The following ZFHX4 variants were observed in gnomAD, a reference collection of about 807,000 sequenced individuals.
ZFHX4 encodes zinc finger homeobox 4, also known as zinc finger homeobox protein 4.
In ZFHX4, 56 loss-of-function variants were observed where a neutral mutation model predicts 267.6. The observed-to-expected ratio is 0.21, with a 90% CI of 0.17 to 0.26. The LOEUF is 0.26. Among genes scored for constraint, ZFHX4 ranks in the 10% least tolerant of loss-of-function variants. The pLI, the probability that ZFHX4 is intolerant of heterozygous loss-of-function variation, is 1.00. For missense variants in ZFHX4, 4,332 were observed against 4,420.0 expected (o/e 0.98, Z 0.56); for synonymous variants, 1,778 against 1,665.6 (o/e 1.07, Z -1.64).
intron 3 of ZFHX4, among the ~76,000 whole-genome samples, chr8:76,725,361 A>C (rs1379246446): frequency 6.6e-6 from 1 of 152,140 alleles, no homozygotes; most frequent in Non-Finnish European, 1.5e-5. Context: ...ATCAACTTGA[A>C]ATAGTCTAGC....
At chr8:76,694,851 T>C (rs1250851884) in intron 1 of ZFHX4, among the ~76,000 whole-genome samples, 4 of 151,362 alleles carry the variant, frequency 2.6e-5, no homozygotes, top group African/African-American at 9.7e-5. Context: ...AGAAGAGCCA[T>C]ATTAGGAGAT....
intron 6 of ZFHX4, among the ~76,000 whole-genome samples, chr8:76,847,873 A>C (rs1812405817): frequency 2.0e-5 from 3 of 152,116 alleles, no homozygotes. Flanking sequence ...ATCAAGATAA[A>C]TCTTCATGCA....
At chr8:76,832,743 G>A (rs1050328136) in intron 4 of ZFHX4, among the ~76,000 whole-genome samples, 4 of 152,252 alleles carry the variant, frequency 2.6e-5, no homozygotes, top group East Asian at 1.9e-4. Flanking sequence ...CACGCAGTTA[G>A]TTGACAATAA....
intron 3 of ZFHX4, among the ~76,000 whole-genome samples, chr8:76,765,346 A>G: frequency 6.6e-6 from 1 of 152,200 alleles, no homozygotes; most frequent in African/African-American, 2.4e-5. Flanking sequence ...GAAAAGTATG[A>G]AGACTATTGA....
intron 3 of ZFHX4, among the ~76,000 whole-genome samples, chr8:76,710,670 A>G (rs1000895027): frequency 2.6e-5 from 4 of 152,226 alleles, no homozygotes; most frequent in African/African-American, 9.6e-5. Context: ...TAAGACAAAT[A>G]CAGAGCTGCG....
At position 76,681,395 on chromosome 8, in the gene ZFHX4, G is replaced by A; in HGVS notation, c.-272G>A. Reference sequence around the variant, plus strand: ...ACAACCAAACAGCGAGACCGCGGTCGGCACATGCTTTAACTCCTCCCGGAC... The same window carrying A: ...ACAACCAAACAGCGAGACCGCGGTCAGCACATGCTTTAACTCCTCCCGGAC... On this transcript the variant is annotated 5_prime_UTR_variant, in exon 1 of 11. Coordinates refer to ENST00000651372, the MANE Select transcript of ZFHX4 (RefSeq NM_024721.5). 2.5e-6 allele frequency: 1 copy of A among 398,574 alleles called. No homozygotes were observed. Among genetic ancestry groups the A allele is most frequent in the Non-Finnish European group, 4.4e-6 (1 of 226,002 alleles). The allele number at this position is 398,574 out of a possible 1,614,324, so 24.7% of individuals were successfully genotyped here. A position where few individuals can be genotyped will look rare whatever the true frequency, so the allele number is the denominator to read the frequency against.
In ZFHX4 at chr8:76,685,198, T is replaced by C. The variant is rs939787735; in HGVS notation, c.-47+3578T>C. 3.9e-5 allele frequency among the ~76,000 whole-genome samples: 6 copies of C among 152,354 alleles called. No individual in the cohort carries two copies. The East Asian group carries it at 7.7e-4, about 20-fold the overall frequency. Reference sequence around the variant, plus strand: ...GATTCAGACATGTTCAGCAGTTAGATTGGCTCTGACTTCACCAAGGGTCGA... The same window carrying C: ...GATTCAGACATGTTCAGCAGTTAGACTGGCTCTGACTTCACCAAGGGTCGA... On this transcript the variant is annotated intron_variant, in intron 1 of 10. Transcript: ENST00000651372.
chr8:76,766,287 T>C (rs1810049426), intron 3 of ZFHX4, among the ~76,000 whole-genome samples: 1 of 152,112 alleles, frequency 6.6e-6, no homozygotes, highest in South Asian at 2.1e-4. Context: ...CTCTAGCAAA[T>C]AGGGTTTTCT....
chr8:76,863,204 C>T lies in ZFHX4; in HGVS notation c.9490C>T (p.Pro3164Ser). 1 of 1,569,762 alleles carries T rather than the reference C, an allele frequency of 6.4e-7. No homozygotes were observed. The highest frequency in any genetic ancestry group is 8.6e-7 in the Non-Finnish European group (1 of 1,157,060). ...PTKPLLQTPP[P>S]PPPPPPPPPS... ...CAAACCTTTGCTGCAGACTCCACCA[C>T]CTCCACCACCTCCTCCTCCTCCTCC... The change falls in exon 11 of 11, where the codon CCT (proline) becomes TCT (serine). Residue 3164 changes from proline (P) to serine (S), a missense_variant. Transcript: ENST00000651372.
chr8:76,834,605 C>T (rs540769340), intron 5 of ZFHX4, among the ~76,000 whole-genome samples: 1 of 152,072 alleles, frequency 6.6e-6, no homozygotes, highest in East Asian at 1.9e-4. Context: ...TGTTTATTTG[C>T]TTGTAAGAGT....
chr8:76,827,258 A>G (rs1328730480), intron 4 of ZFHX4, among the ~76,000 whole-genome samples: 2 of 152,220 alleles, frequency 1.3e-5, no homozygotes, highest in Non-Finnish European at 2.9e-5. Flanking sequence ...TGTGCAGTTC[A>G]TAATAGGGTT....
intron 3 of ZFHX4, among the ~76,000 whole-genome samples, chr8:76,757,682 A>T (rs1230803449): frequency 6.6e-6 from 1 of 152,226 alleles, no homozygotes; most frequent in Non-Finnish European, 1.5e-5. Flanking sequence ...CCTGTAAATA[A>T]CTGAGAAGAG....
chr8:76,749,340 G>A (rs1809554793), intron 3 of ZFHX4, among the ~76,000 whole-genome samples: 1 of 152,040 alleles, frequency 6.6e-6, no homozygotes, highest in South Asian at 2.1e-4. Context: ...TCGACTCTTT[G>A]TCAATTTCTA....
Position 76,854,286 on chromosome 8 carries a change from A to G in ZFHX4, c.7365A>G (p.Gln2455=). The part of the protein sequence containing the change: ...QPQPQPQPPK[Q]PQLIGRPPSA... ...AGCCACAGCCACAGCCACCAAAACA[A>G]CCCCAACTTATCGGAAGACCTCCCT... The change falls in exon 10 of 11, where the codon CAA becomes CAG. Residue 2455 remains glutamine, a synonymous_variant. Coordinates refer to ENST00000651372, the MANE Select transcript of ZFHX4 (RefSeq NM_024721.5). The G allele has an allele frequency of 6.3e-7, 1 of 1,599,568 alleles. No individual in the cohort carries two copies. The highest frequency in any genetic ancestry group is 8.5e-7 in the Non-Finnish European group (1 of 1,172,882).
At chr8:76,832,356 T>C (rs1811958578) in intron 4 of ZFHX4, among the ~76,000 whole-genome samples, 1 of 152,208 alleles carries the variant, frequency 6.6e-6, no homozygotes, top group South Asian at 2.1e-4. Context: ...TACATAATTC[T>C]ATCTTCATTT....
intron 3 of ZFHX4, among the ~76,000 whole-genome samples, chr8:76,762,851 G>A (rs1048310817): frequency 2.6e-5 from 4 of 152,154 alleles, no homozygotes; most frequent in Admixed American, 1.3e-4. Flanking sequence ...TAGAATTAAA[G>A]CAATTGCCAC....
rs1459869524 is a variant in ZFHX4, at chr8:76,682,675, G to A, written c.-47+1055G>A. The A allele has an allele frequency of 2.0e-5, 3 of 153,416 alleles. No homozygotes were observed. The Admixed American group carries it at 2.0e-4, about 10-fold the overall frequency. The allele number at this position is 153,416 out of a possible 1,614,324, so 9.5% of individuals were successfully genotyped here. A position where few individuals can be genotyped will look rare whatever the true frequency, so the allele number is the denominator to read the frequency against. ...TTTTAGCAAAGGGCAAGGGGTGTGT[G>A]CGTGTGCGTGTGCGTGTGTGTGTGT... On this transcript the variant is annotated intron_variant, in intron 1 of 10. Coordinates refer to ENST00000651372, the MANE Select transcript of ZFHX4 (RefSeq NM_024721.5).
At chr8:76,686,134 C>T (rs992837717) in intron 1 of ZFHX4, among the ~76,000 whole-genome samples, 4 of 152,172 alleles carry the variant, frequency 2.6e-5, no homozygotes, top group African/African-American at 9.7e-5. Context: ...TTCCGCACAG[C>T]TGCACGAATT....
intron 4 of ZFHX4, among the ~76,000 whole-genome samples, chr8:76,824,781 C>G (rs541745213): frequency 8.5e-5 from 13 of 152,148 alleles, no homozygotes; most frequent in African/African-American, 3.1e-4. Flanking sequence ...CCTTTGTTGC[C>G]AGGCTGCTCT....
Sources: gnomAD v4.1 joint callset for allele counts (sites outside exome capture counted in the v4.1 genomes callset) on GRCh38, gnomAD v4.1.1 for gene constraint, MANE v1.5 for transcripts, NCBI Gene and HGNC (gene_info 2026-07-23, HGNC 2026-07-21) for gene names.